CGNL1: variants seen among roughly 807,000 people sequenced by gnomAD.
CGNL1 encodes the protein cingulin-like protein 1.
CGNL1 carries 132 observed loss-of-function variants against 141.2 expected under a neutral mutation model. That is an observed-to-expected ratio of 0.93 (90% CI 0.81 to 1.08). The LOEUF is 1.08. Ranked by LOEUF, CGNL1 falls within the 50% of genes least tolerant of loss-of-function variation. The probability of loss-of-function intolerance (pLI) is 0.00; values close to 1 mark genes in which losing one functional copy is unlikely to be tolerated. For missense variants in CGNL1, 1,870 were observed against 1,588.6 expected, an observed-to-expected ratio of 1.18 and a Z score of -3.01; for synonymous variants, 690 against 622.1, an observed-to-expected ratio of 1.11 and a Z score of -1.63.
intron 11 of CGNL1, 127 bp downstream of exon 11, chr15:57,523,768 G>A: frequency 1.0e-6 from 1 of 970,214 alleles, no homozygotes; most frequent in Non-Finnish European, 1.5e-6. Context: ...TCAGGGATTT[G>A]CAGATCCCAA....
intron 12 of CGNL1, among the ~76,000 whole-genome samples, chr15:57,528,372 TA>T (rs1285008636): frequency 1.3e-5 from 2 of 152,268 alleles, no homozygotes; most frequent in African/African-American, 4.8e-5. Context: ...AATACTCTGC[TA>T]TTTTTTTCTG....
chr15:57,480,463 TG>T (rs1489795717), intron 8 of CGNL1, among the ~76,000 whole-genome samples: 1 of 152,094 alleles, frequency 6.6e-6, no homozygotes. Context: ...GAGGTTGCAG[TG>T]AGCTGAGATC....
intron 8 of CGNL1, among the ~76,000 whole-genome samples, chr15:57,512,772 G>T (rs529839851): frequency 6.6e-6 from 1 of 152,162 alleles, no homozygotes; most frequent in African/African-American, 2.4e-5. Context: ...TGAATGAAAG[G>T]GTGCTGACCA....
intron 8 of CGNL1, among the ~76,000 whole-genome samples, chr15:57,481,062 G>A (rs2063718728): frequency 9.4e-6 from 1 of 106,408 alleles, no homozygotes; most frequent in African/African-American, 3.6e-5. Flanking sequence ...GAAAGACCTG[G>A]GGTTTTTTTT....
chr15:57,446,575 G>A (rs2152315875), intron 4 of CGNL1, among the ~76,000 whole-genome samples: 1 of 150,750 alleles, frequency 6.6e-6, no homozygotes, highest in East Asian at 2.0e-4. Context: ...TTGAAATGTA[G>A]TTTTCTGTTG....
intron 13 of CGNL1, among the ~76,000 whole-genome samples, chr15:57,530,804 T>C (rs1384494968): frequency 1.3e-5 from 2 of 152,172 alleles, no homozygotes; most frequent in Non-Finnish European, 2.9e-5. Context: ...AATAGAATAA[T>C]ATTTAGGGAT....
chr15:57,478,700 A>G (rs1356562354), intron 8 of CGNL1, among the ~76,000 whole-genome samples: 1 of 152,154 alleles, frequency 6.6e-6, no homozygotes, highest in Admixed American at 6.5e-5. Flanking sequence ...GTGCAGTGGC[A>G]TAATCATGGC....
intron 1 of CGNL1, among the ~76,000 whole-genome samples, chr15:57,413,486 G>T (rs12592520): frequency 0.27 from 40,336 of 151,878 alleles, 5,502 homozygotes; most frequent in East Asian, 0.43. Flanking sequence ...TTGTCCCTAG[G>T]GGTTGCCCAG....
chr15:57,527,438 TTA>T (rs2031681529), intron 12 of CGNL1: 1 of 152,240 alleles, frequency 6.6e-6, no homozygotes, highest in African/African-American at 2.4e-5. Flanking sequence ...CCCTGGTGTA[TTA>T]TTCTATTCAT....
In CGNL1 at chr15:57,523,485, G is replaced by T. The variant is rs1466556041; in HGVS notation, c.2716-4G>T. 2.5e-6 allele frequency: 4 copies of T among 1,614,066 alleles called. No homozygotes were observed. The highest frequency in any genetic ancestry group is 3.4e-6 in the Non-Finnish European group (4 of 1,180,000). On this transcript the variant is annotated splice_region_variant and splice_polypyrimidine_tract_variant and intron_variant, in intron 10 of 18. Transcript: ENST00000281282. Reference sequence around the variant, plus strand: ...CAGCACTGTCCTTTCCCTGCCATTTGCAGGGAAATCTGAGTCAGACTACCC... The same window carrying T: ...CAGCACTGTCCTTTCCCTGCCATTTTCAGGGAAATCTGAGTCAGACTACCC...
intron 12 of CGNL1, among the ~76,000 whole-genome samples, chr15:57,527,024 G>T (rs79727525): frequency 0.014 from 2,106 of 152,232 alleles, 55 homozygotes; most frequent in African/African-American, 0.048. Context: ...TCCCAATTTT[G>T]TGAATGAGGA....
intron 1 of CGNL1, among the ~76,000 whole-genome samples, chr15:57,393,670 A>G (rs1401905570): frequency 6.6e-6 from 1 of 152,070 alleles, no homozygotes; most frequent in African/African-American, 2.4e-5. Context: ...TTCTTGAGAG[A>G]GAGAGAAAGT....
chr15:57,509,798 C>T (rs2030080194), intron 8 of CGNL1, among the ~76,000 whole-genome samples: 1 of 152,198 alleles, frequency 6.6e-6, no homozygotes, highest in Admixed American at 6.5e-5. Context: ...GTAATTGGAG[C>T]ATATGGCTAA....
chr15:57,451,475 A>G (rs779382321), intron 4 of CGNL1, 25 bp from the exon 5 acceptor site: 2 of 1,486,084 alleles, frequency 1.3e-6, no homozygotes, highest in Non-Finnish European at 1.9e-6. Context: ...CATTTAAATT[A>G]GTATATCTTT....
At chr15:57,384,846 T>C (rs2062464773) in intron 1 of CGNL1, among the ~76,000 whole-genome samples, 1 of 152,222 alleles carries the variant, frequency 6.6e-6, no homozygotes, top group Non-Finnish European at 1.5e-5. Flanking sequence ...TTGTATTTCC[T>C]CTGTCTCTAG....
intron 12 of CGNL1, among the ~76,000 whole-genome samples, chr15:57,525,527 G>A (rs1452372199): frequency 6.6e-6 from 1 of 152,134 alleles, no homozygotes; most frequent in African/African-American, 2.4e-5. Context: ...AATTAAATGA[G>A]TTAATATGTG....
At chr15:57,462,582 T>A (rs2063461085) in intron 8 of CGNL1, among the ~76,000 whole-genome samples, 1 of 151,990 alleles carries the variant, frequency 6.6e-6, no homozygotes, top group Non-Finnish European at 1.5e-5. Flanking sequence ...AATTACAGAT[T>A]ATAAAATTTT....
intron 8 of CGNL1, among the ~76,000 whole-genome samples, chr15:57,477,134 A>G (rs1399549727): frequency 1.3e-5 from 2 of 151,998 alleles, no homozygotes; most frequent in African/African-American, 4.8e-5. Context: ...ACAGTTAGAA[A>G]TAAAAGGCTG....
Position 57,513,518 on chromosome 15 carries a change from A to G in CGNL1, c.2404-3262A>G, listed in dbSNP as rs116756071. On this transcript the variant is annotated intron_variant, in intron 8 of 18. Transcript: ENST00000281282. ...TTCATGTACAAGTTTTTCTGTGAAT[A>G]TATGTTTTTTCTTTTTTTTGAGATG... is the stretch of plus-strand genomic sequence containing the variant. Among the ~76,000 whole-genome samples the G allele has an allele frequency of 6.7e-3, 1,023 of 152,042 alleles. 9 individuals carry two copies. The highest frequency in any genetic ancestry group is 0.023 in the African/African-American group (966 of 41,480).
Sources: gnomAD v4.1 joint callset for allele counts (sites outside exome capture counted in the v4.1 genomes callset) on GRCh38, gnomAD v4.1.1 for gene constraint, MANE v1.5 for transcripts, NCBI Gene and HGNC (gene_info 2026-07-23, HGNC 2026-07-21) for gene names.